Variants in ATRN observed in about 807,000 individuals in gnomAD.
ATRN encodes attractin-2.
In ATRN, 54 loss-of-function variants were observed where a neutral mutation model predicts 178.7. The observed-to-expected ratio is 0.30, with a 90% CI of 0.24 to 0.38. ATRN has a LOEUF of 0.38. ATRN is among the 10% of genes least tolerant of loss of function. The pLI, the probability that ATRN is intolerant of heterozygous loss-of-function variation, is 1.00. For synonymous variants in ATRN, 636 were observed against 663.0 expected (o/e 0.96, Z 0.63); for missense variants, 1,443 against 1,815.1 (o/e 0.79, Z 3.73).
chr20:3,543,443 G>A (rs1034781024), intron 3 of ATRN, among the ~76,000 whole-genome samples: 61 of 152,150 alleles, frequency 4.0e-4, no homozygotes, highest in African/African-American at 4.3e-4. Flanking sequence ...ATTGAAGGGC[G>A]AGGCGTGGTG....
intron 1 of ATRN, among the ~76,000 whole-genome samples, chr20:3,475,482 A>T (rs925821704): frequency 2.6e-5 from 4 of 152,258 alleles, no homozygotes; most frequent in Admixed American, 6.5e-5. Context: ...TTAAAGGATA[A>T]GTTAAAGGAT....
intron 1 of ATRN, among the ~76,000 whole-genome samples, chr20:3,512,117 T>TA (rs1433417833): frequency 3.0e-5 from 4 of 134,146 alleles, no homozygotes; most frequent in Admixed American, 7.3e-5. Flanking sequence ...ATTTTTTTTT[T>TA]TTATTATACT....
chr20:3,557,786 G>A lies in ATRN; in HGVS notation c.1113-1607G>A, dbSNP rs551566181. Among the ~76,000 whole-genome samples the A allele has an allele frequency of 2.0e-5, 3 of 152,256 alleles. No individual in the cohort carries two copies. In the South Asian group the frequency reaches 6.2e-4, roughly 32 times the overall value. ...GTGCTAAGATTTTTCAACTTTCAAA[G>A]CAAGAAGTTAGTGAATTCTGTACAA... On this transcript the variant is annotated intron_variant, in intron 6 of 28. Coordinates refer to ENST00000262919, the MANE Select transcript of ATRN (RefSeq NM_139321.3).
At chr20:3,605,566 T>A (rs1281423073) in intron 24 of ATRN, among the ~76,000 whole-genome samples, 1 of 152,208 alleles carries the variant, frequency 6.6e-6, no homozygotes, top group African/African-American at 2.4e-5. Flanking sequence ...CATGGAATAC[T>A]ATGCAGCCAT....
chr20:3,507,353 G>A (rs1410214176), intron 1 of ATRN, among the ~76,000 whole-genome samples: 2 of 148,558 alleles, frequency 1.3e-5, no homozygotes, highest in South Asian at 2.1e-4. Flanking sequence ...AGGATGCGGT[G>A]AACCGAGATC....
intron 6 of ATRN, among the ~76,000 whole-genome samples, chr20:3,550,672 G>T (rs1331697040): frequency 6.6e-6 from 1 of 152,084 alleles, no homozygotes; most frequent in Admixed American, 6.5e-5. Context: ...CAGATTTTAG[G>T]CATTTTCATG....
At chr20:3,490,194 C>G (rs182377920) in intron 1 of ATRN, 9 of 1,518,950 alleles carry the variant, frequency 5.9e-6, no homozygotes, top group Non-Finnish European at 8.2e-6. Context: ...TTCTACGGTC[C>G]GCCACATTTC....
In ATRN at chr20:3,600,879, T is replaced by C. The variant is rs1293168651; in HGVS notation, c.3565-67T>C. On this transcript the variant is annotated intron_variant, in intron 22 of 28. Coordinates refer to ENST00000262919, the MANE Select transcript of ATRN (RefSeq NM_139321.3). ...TAAGAACATTTAGAGGAGTAAACTT[T>C]ATTGCTTTATTTTAAAATCTAGAAA... 7 of 1,415,574 alleles carry C rather than the reference T, an allele frequency of 4.9e-6. No individual in the cohort carries two copies. In the Admixed American group the frequency reaches 5.3e-5, roughly 11 times the overall value. 87.7% of individuals were successfully genotyped at this position (1,415,574 alleles called of 1,614,324 possible). A position where few individuals can be genotyped will look rare whatever the true frequency, so the allele number is the denominator to read the frequency against.
intron 1 of ATRN, among the ~76,000 whole-genome samples, chr20:3,502,372 A>G (rs1024521066): frequency 8.5e-5 from 13 of 152,150 alleles, no homozygotes; most frequent in African/African-American, 3.1e-4. Flanking sequence ...GAATTCTTGA[A>G]GTTTATAAGA....
intron 1 of ATRN, among the ~76,000 whole-genome samples, chr20:3,513,718 T>C (rs1172798444): frequency 6.6e-6 from 1 of 152,212 alleles, no homozygotes; most frequent in Non-Finnish European, 1.5e-5. Flanking sequence ...GATTCTTCTA[T>C]CCATGAGCAT....
At chr20:3,604,039 C>A in intron 23 of ATRN, 66 bp from the exon 24 acceptor site, 2 of 1,351,268 alleles carry the variant, frequency 1.5e-6, no homozygotes, top group Non-Finnish European at 1.0e-6. Context: ...TTAATGAGGC[C>A]AGATTCTGTT....
intron 16 of ATRN, 142 bp from the exon 17 acceptor site, chr20:3,583,756 C>T (rs2086312237): frequency 9.9e-6 from 8 of 806,680 alleles, no homozygotes; most frequent in African/African-American, 3.5e-5. Context: ...TGCAGTGAGC[C>T]GAAATTGTGC....
chr20:3,565,214 A>G, intron 10 of ATRN, 134 bp from the exon 11 acceptor site: 1 of 653,444 alleles, frequency 1.5e-6, no homozygotes, highest in East Asian at 2.8e-5. Flanking sequence ...CCCAGAAATG[A>G]TGTTGTAACT....
intron 1 of ATRN, among the ~76,000 whole-genome samples, chr20:3,518,129 G>A (rs868797491): frequency 4.9e-4 from 74 of 152,292 alleles, no homozygotes; most frequent in African/African-American, 1.6e-3. Context: ...TTGTTAGACT[G>A]GTTTTTGTGT....
intron 11 of ATRN, among the ~76,000 whole-genome samples, chr20:3,569,299 G>A (rs754523729): frequency 1.8e-4 from 27 of 152,096 alleles, no homozygotes; most frequent in African/African-American, 2.4e-4. Flanking sequence ...TAGGCTATAT[G>A]GTATGGCTTG....
chr20:3,604,198 G>T lies in ATRN; in HGVS notation c.3737G>T (p.Arg1246Leu). 3.1e-6 allele frequency: 5 copies of T among 1,613,028 alleles called. No homozygotes were observed. Among genetic ancestry groups the T allele is most frequent in the African/African-American group, 1.3e-5 (1 of 74,944 alleles). Reference protein sequence around the residue: ...DSFSNEKFDFRNHPNITFFVY... With the variant: ...DSFSNEKFDFLNHPNITFFVY... ...TTCTCTAATGAGAAGTTTGATTTTC[G>T]CAACCACCCAAATATCACTTTCTTT... Residue 1246 changes from arginine to leucine, a missense_variant, in exon 24 of 29, where the codon CGC becomes CTC. Physicochemically the swap from Arg to Leu is moderately radical, Grantham distance 102 (BLOSUM62 -2). Coordinates refer to ENST00000262919, the MANE Select transcript of ATRN (RefSeq NM_139321.3).
intron 1 of ATRN, among the ~76,000 whole-genome samples, chr20:3,494,706 G>A (rs2084854521): frequency 6.6e-6 from 1 of 152,150 alleles, no homozygotes; most frequent in Non-Finnish European, 1.5e-5. Context: ...TTGATATAGG[G>A]AATATAAGTC....
intron 2 of ATRN, among the ~76,000 whole-genome samples, chr20:3,536,011 T>C (rs1386121187): frequency 1.3e-5 from 2 of 152,128 alleles, no homozygotes; most frequent in Non-Finnish European, 2.9e-5. Context: ...CTATTTTTGT[T>C]GTGGATAAGA....
At position 3,594,579 on chromosome 20, in the gene ATRN, AC is replaced by A; in HGVS notation, c.3416+9del. Reference sequence around the variant, plus strand: ...AGGGGGACGAGTGCCAGCTGTGAGTACCATACTCCCTGGACCACCAGGGAGG... The same window carrying A: ...AGGGGGACGAGTGCCAGCTGTGAGTACATACTCCCTGGACCACCAGGGAGG... On this transcript the variant is annotated splice_region_variant and intron_variant, in intron 20 of 28. Transcript: ENST00000262919. The A allele has an allele frequency of 3.7e-6, 6 of 1,608,000 alleles. No homozygotes were observed. Among genetic ancestry groups the A allele is most frequent in the African/African-American group, 1.3e-5 (1 of 74,874 alleles).
Sources: gnomAD v4.1 joint callset for allele counts (sites outside exome capture counted in the v4.1 genomes callset) on GRCh38, gnomAD v4.1.1 for gene constraint, MANE v1.5 for transcripts, NCBI Gene and HGNC (gene_info 2026-07-23, HGNC 2026-07-21) for gene names.